Variants in FSHR observed in about 807,000 individuals in gnomAD.
The protein encoded by FSHR is follicle-stimulating hormone receptor.
Under a neutral mutation model 52.1 loss-of-function variants are expected in FSHR, and 46 were observed. The observed-to-expected ratio is 0.88, with a 90% CI of 0.70 to 1.13. The LOEUF is 1.13. FSHR is among the 50% of genes most tolerant of loss of function. FSHR has a pLI of 0.00. For synonymous variants in FSHR, 399 were observed against 309.6 expected (o/e 1.29, Z -3.03); for missense variants, 964 against 834.6 (o/e 1.16, Z -1.91).
chr2:49,115,686 G>A (rs1323563568), intron 1 of FSHR, among the ~76,000 whole-genome samples: 5 of 152,154 alleles, frequency 3.3e-5, no homozygotes, highest in Non-Finnish European at 4.4e-5. Context: ...AAATCATGCT[G>A]TCATGATCTA....
chr2:49,078,794 G>A (rs905668), intron 1 of FSHR, among the ~76,000 whole-genome samples: 29,598 of 151,978 alleles, frequency 0.19, 3,116 homozygotes, highest in East Asian at 0.28. Context: ...GACACATTCC[G>A]CTTAAAATTG....
Position 48,963,234 on chromosome 2 carries a change from C to G in FSHR, c.1587G>C (p.Leu529=), listed in dbSNP as rs781669876. The G allele has an allele frequency of 1.9e-6, 3 of 1,614,142 alleles. No individual in the cohort carries two copies. The highest frequency in any genetic ancestry group is 1.1e-5 in the South Asian group (1 of 91,078). ...TGAGCACAAGGAGGGACATGACATA[C>G]AGCTGTGACAAAGGGCTGTCAATAT... ...PMDIDSPLSQ[L]YVMSLLVLNV... The change falls in exon 10 of 10, where the codon CTG becomes CTC. Residue 529 remains leucine, a synonymous_variant. Coordinates refer to ENST00000406846, the MANE Select transcript of FSHR (RefSeq NM_000145.4).
chr2:49,115,344 C>A (rs1186085876), intron 1 of FSHR, among the ~76,000 whole-genome samples: 1 of 152,042 alleles, frequency 6.6e-6, no homozygotes, highest in Non-Finnish European at 1.5e-5. Context: ...AGGTCAAGGT[C>A]ATTCAACACA....
intron 1 of FSHR, among the ~76,000 whole-genome samples, chr2:49,140,726 A>G (rs1439732431): frequency 6.6e-6 from 1 of 151,986 alleles, no homozygotes; most frequent in Non-Finnish European, 1.5e-5. Context: ...AAAAAAAAAA[A>G]GGTACAGTTC....
chr2:49,081,961 G>A (rs1359262784), intron 1 of FSHR, among the ~76,000 whole-genome samples: 2 of 152,196 alleles, frequency 1.3e-5, no homozygotes, highest in African/African-American at 2.4e-5. Flanking sequence ...AAGTGTAAAT[G>A]ATACTGGGTT....
intron 1 of FSHR, among the ~76,000 whole-genome samples, chr2:49,114,727 G>T (rs976012304): frequency 3.9e-5 from 6 of 152,072 alleles, no homozygotes; most frequent in African/African-American, 1.4e-4. Context: ...GCCAGAAGTT[G>T]GGATGGTTTC....
rs568512731 is a variant in FSHR, at chr2:48,980,163, G to A, written c.668+2749C>T. Among the ~76,000 whole-genome samples, 36 of 152,306 alleles carry A rather than the reference G, an allele frequency of 2.4e-4. No homozygotes were observed. In the South Asian group the frequency reaches 7.3e-3, roughly 31 times the overall value. The stretch of plus-strand genomic sequence containing the variant: ...AAGGTGAACAATTCTTTTGGCCCCA[G>A]GGGGAAAAGAGGAAATTCGCAATTA... On this transcript the variant is annotated intron_variant, in intron 8 of 9. Coordinates refer to ENST00000406846, the MANE Select transcript of FSHR (RefSeq NM_000145.4).
intron 2 of FSHR, among the ~76,000 whole-genome samples, chr2:49,056,437 A>G (rs1164739423): frequency 7.0e-6 from 1 of 142,642 alleles, no homozygotes; most frequent in African/African-American, 2.6e-5. Flanking sequence ...AGAAATCATT[A>G]CAATTGGAAT....
chr2:49,050,056 C>A (rs1452039855), intron 2 of FSHR, among the ~76,000 whole-genome samples: 1 of 151,978 alleles, frequency 6.6e-6, no homozygotes, highest in Non-Finnish European at 1.5e-5. Context: ...AAAATAGCTT[C>A]TTGTGTTCTT....
chr2:49,082,859 C>G (rs1670228696), intron 1 of FSHR, among the ~76,000 whole-genome samples: 1 of 152,158 alleles, frequency 6.6e-6, no homozygotes, highest in Admixed American at 6.5e-5. Flanking sequence ...AACACCAAAT[C>G]TACGTCTGAT....
At chr2:49,028,760 T>G (rs1667995929) in intron 2 of FSHR, among the ~76,000 whole-genome samples, 1 of 152,208 alleles carries the variant, frequency 6.6e-6, no homozygotes, top group Non-Finnish European at 1.5e-5. Context: ...TTTTTAGCTG[T>G]TGGTTGGAGG....
chr2:49,091,999 A>G (rs1670629988), intron 1 of FSHR, among the ~76,000 whole-genome samples: 1 of 152,220 alleles, frequency 6.6e-6, no homozygotes, highest in Non-Finnish European at 1.5e-5. Flanking sequence ...CTGATTATGA[A>G]CACAACACAG....
At chr2:49,130,180 C>T (rs1672212885) in intron 1 of FSHR, among the ~76,000 whole-genome samples, 1 of 152,126 alleles carries the variant, frequency 6.6e-6, no homozygotes, top group Non-Finnish European at 1.5e-5. Context: ...GAGGGGTCTG[C>T]CCTGATGTTT....
At chr2:49,026,023 T>C (rs994036015) in intron 2 of FSHR, among the ~76,000 whole-genome samples, 9 of 152,226 alleles carry the variant, frequency 5.9e-5, no homozygotes, top group Non-Finnish European at 1.3e-4. Flanking sequence ...CCTCCTCAGA[T>C]GACAGCCAGT....
chr2:49,047,868 G>T (rs1288562178), intron 2 of FSHR, among the ~76,000 whole-genome samples: 1 of 152,014 alleles, frequency 6.6e-6, no homozygotes, highest in Non-Finnish European at 1.5e-5. Context: ...AAAACTTCAG[G>T]TTGTACAGCT....
Position 48,990,563 on chromosome 2 carries a change from T to C in FSHR, c.446+3A>G, listed in dbSNP as rs1675724089. ...TTGGTAGTCACTCAAGGAAAAAACTTACAGTAAAACTTTTTGGAGAGAATG... is the reference window on the plus strand; with the variant it reads ...TTGGTAGTCACTCAAGGAAAAAACTCACAGTAAAACTTTTTGGAGAGAATG... On this transcript the variant is annotated splice_donor_region_variant and intron_variant, in intron 5 of 9. Coordinates refer to ENST00000406846, the MANE Select transcript of FSHR (RefSeq NM_000145.4). 23 of 1,600,624 alleles carry C rather than the reference T, an allele frequency of 1.4e-5. No homozygotes were observed. The highest frequency in any genetic ancestry group is 2.0e-5 in the Non-Finnish European group (23 of 1,167,778).
At chr2:49,066,449 A>C (rs1467165868) in intron 2 of FSHR, among the ~76,000 whole-genome samples, 1 of 152,092 alleles carries the variant, frequency 6.6e-6, no homozygotes, top group Admixed American at 6.6e-5. Context: ...GTGAGCACGG[A>C]GACTGAGGAA....
intron 1 of FSHR, among the ~76,000 whole-genome samples, chr2:49,142,205 G>C (rs62162146): frequency 0.15 from 23,067 of 152,136 alleles, 1,760 homozygotes; most frequent in Middle Eastern, 0.25. Flanking sequence ...CTAGTTTCTA[G>C]TGGTGGGGAG....
rs1371148214 is a variant in FSHR, at chr2:48,968,818, C to T, written c.734G>A (p.Arg245Lys). 1 of 1,614,074 alleles carries T rather than the reference C, an allele frequency of 6.2e-7. No homozygotes were observed. The highest frequency in any genetic ancestry group is 2.2e-5 in the East Asian group (1 of 44,888). ...SYGLENLKKL[R>K]ARSTYNLKKL... ...TTTTAAGTTGTAAGTCGACCTGGCC[C>T]TCAGCTTCTTAAGATTTTCTAAGCC... Residue 245 changes from arginine to lysine, a missense_variant, in exon 9 of 10, where the codon AGG becomes AAG. Coordinates refer to ENST00000406846, the MANE Select transcript of FSHR (RefSeq NM_000145.4).
Sources: allele counts gnomAD v4.1 joint callset (sites outside exome capture counted in the v4.1 genomes callset), GRCh38; gene constraint gnomAD v4.1.1; transcripts MANE v1.5; gene names NCBI Gene and HGNC (gene_info 2026-07-23, HGNC 2026-07-21).